Variants in PRMT8 observed in about 807,000 individuals in gnomAD.
PRMT8 encodes the protein protein arginine methyltransferase 8, also known as protein arginine N-methyltransferase 8.
A neutral mutation model predicts 47.1 loss-of-function variants in PRMT8; 7 were observed. The observed-to-expected ratio is 0.15, with a 90% CI of 0.08 to 0.28. The LOEUF is 0.28. PRMT8 is among the 10% of genes least tolerant of loss of function. PRMT8 has a pLI of 1.00. For synonymous variants in PRMT8, 188 were observed against 186.5 expected, an observed-to-expected ratio of 1.01 and a Z score of -0.07; for missense variants, 237 against 505.4, an observed-to-expected ratio of 0.47 and a Z score of 5.09.
intron 1 of PRMT8, among the ~76,000 whole-genome samples, chr12:3,400,468 G>A (rs972719463): frequency 6.6e-6 from 1 of 152,100 alleles, no homozygotes; most frequent in African/African-American, 2.4e-5. Context: ...GGAAGAGATC[G>A]AGTCCTTGAA....
At chr12:3,577,183 A>G (rs1035116994) in intron 7 of PRMT8, among the ~76,000 whole-genome samples, 197 bp downstream of exon 7, 2 of 151,832 alleles carry the variant, frequency 1.3e-5, no homozygotes, top group Non-Finnish European at 2.9e-5. Flanking sequence ...GAGTGGCTCC[A>G]TGGTGGCACG....
rs577346965 is a variant in PRMT8 at position 3,581,276 on chromosome 12, C to G, written c.829-1782C>G. Among the ~76,000 whole-genome samples, 3 of 152,258 alleles carry G rather than the reference C, an allele frequency of 2.0e-5. No homozygotes were observed. The South Asian group carries it at 6.2e-4, about 32-fold the overall frequency. On this transcript the variant is annotated intron_variant, in intron 7 of 9. Transcript: ENST00000382622. ...TGAATAAAAAGCCAGAGATAGCTTG[C>G]ATTGGAGAAGAAAAGGTTTAAGGGA...
chr12:3,555,281 C>A (rs879686462), intron 4 of PRMT8, among the ~76,000 whole-genome samples: 8 of 152,194 alleles, frequency 5.3e-5, no homozygotes, highest in Non-Finnish European at 1.0e-4. Context: ...CGGAGAGAGA[C>A]CCCATGGCTG....
chr12:3,483,530 T>G (rs748435491), intron 1 of PRMT8, among the ~76,000 whole-genome samples: 10 of 152,196 alleles, frequency 6.6e-5, no homozygotes, highest in Non-Finnish European at 1.3e-4. Context: ...TACGCTGGGA[T>G]AAACATGGGT....
rs1379684967 is a variant in PRMT8, at chr12:3,566,736, T to G, written c.482-1970T>G. Reference sequence around the variant, plus strand: ...AGATTCTAGGCAGATGTGGTTCTTTTGATTTTTACTCCTAAGTACAGGCCA... The same window carrying G: ...AGATTCTAGGCAGATGTGGTTCTTTGGATTTTTACTCCTAAGTACAGGCCA... On this transcript the variant is annotated intron_variant, in intron 4 of 9. Coordinates refer to ENST00000382622, the MANE Select transcript of PRMT8 (RefSeq NM_019854.5). The surrounding 1 kb of genome is among the most constrained non-coding windows in gnomAD (Gnocchi z 4.7). Among the ~76,000 whole-genome samples, 1 of 152,260 alleles carries G rather than the reference T, an allele frequency of 6.6e-6. No individual in the cohort carries two copies. Among genetic ancestry groups the G allele is most frequent in the Non-Finnish European group, 1.5e-5 (1 of 68,048 alleles).
At chr12:3,504,876 T>C (rs9668795) in intron 1 of PRMT8, among the ~76,000 whole-genome samples, 28 of 26,174 alleles carry the variant, frequency 1.1e-3, no homozygotes, top group Admixed American at 1.2e-3. Flanking sequence ...TAGGACCCTC[T>C]GAGCCAGGTG....
intron 1 of PRMT8, among the ~76,000 whole-genome samples, chr12:3,504,591 A>C (rs1865586048): frequency 1.1e-5 from 1 of 89,218 alleles, no homozygotes; most frequent in African/African-American, 3.4e-5. Flanking sequence ...TGGGAGAACC[A>C]CTGCTCTCTT....
intron 1 of PRMT8, among the ~76,000 whole-genome samples, chr12:3,438,715 T>C (rs1864770108): frequency 6.6e-6 from 1 of 152,202 alleles, no homozygotes; most frequent in Non-Finnish European, 1.5e-5. Context: ...AGGTCAGTAG[T>C]TCGAATAGTG....
intron 7 of PRMT8, 82 bp from the exon 8 acceptor site, chr12:3,582,976 C>G (rs1273946586): frequency 6.7e-7 from 1 of 1,495,802 alleles, no homozygotes; most frequent in Non-Finnish European, 9.1e-7. Context: ...ACCACAGTCT[C>G]TCACAGAACG....
chr12:3,574,232 C>T (rs901601590), intron 6 of PRMT8, among the ~76,000 whole-genome samples: 3 of 152,146 alleles, frequency 2.0e-5, no homozygotes, highest in African/African-American at 2.4e-5. Flanking sequence ...TGGTCAGGAG[C>T]GTTTAGAGAA....
intron 1 of PRMT8, among the ~76,000 whole-genome samples, chr12:3,428,153 G>T (rs1864627080): frequency 6.6e-6 from 1 of 152,084 alleles, no homozygotes; most frequent in African/African-American, 2.4e-5. Flanking sequence ...TCGGACCTTT[G>T]TATGGTAATT....
At chr12:3,468,253 C>T (rs1002143783) in intron 1 of PRMT8, among the ~76,000 whole-genome samples, 8 of 152,154 alleles carry the variant, frequency 5.3e-5, no homozygotes, top group African/African-American at 1.9e-4. Flanking sequence ...TGATTCTTAC[C>T]TAGAAGACGA....
chr12:3,578,779 C>T (rs1866998170), intron 7 of PRMT8, among the ~76,000 whole-genome samples: 1 of 152,066 alleles, frequency 6.6e-6, no homozygotes, highest in African/African-American at 2.4e-5. Flanking sequence ...ACAAGCCTTG[C>T]TAGGAAGAAC....
intron 4 of PRMT8, among the ~76,000 whole-genome samples, chr12:3,568,072 CAA>C (rs148436679): frequency 0.033 from 3,427 of 102,714 alleles, 135 homozygotes; most frequent in African/African-American, 0.11. Flanking sequence ...AACTCCGTCT[CAA>C]AAAAAAAAAA....
intron 1 of PRMT8, among the ~76,000 whole-genome samples, chr12:3,408,422 A>G (rs1864394556): frequency 6.6e-6 from 1 of 152,070 alleles, no homozygotes; most frequent in African/African-American, 2.4e-5. Flanking sequence ...TTTTTTGTAG[A>G]AATGAGACTT....
chr12:3,461,318 T>C (rs2137088327), intron 1 of PRMT8, among the ~76,000 whole-genome samples: 1 of 152,272 alleles, frequency 6.6e-6, no homozygotes, highest in East Asian at 1.9e-4. Flanking sequence ...TTTGGAGGAA[T>C]GGAGAAGAGA....
intron 1 of PRMT8, among the ~76,000 whole-genome samples, chr12:3,498,316 G>A (rs1865539169): frequency 6.6e-6 from 1 of 152,220 alleles, no homozygotes; most frequent in African/African-American, 2.4e-5. Context: ...AGGCTGCGAA[G>A]GCATGAGAAG....
At chr12:3,486,243 C>G (rs1222913110), upstream of PRMT8, among the ~76,000 whole-genome samples, 1 of 152,114 alleles carries the variant, frequency 6.6e-6, no homozygotes, top group Non-Finnish European at 1.5e-5. Context: ...TCAGTAGATA[C>G]TTCTTGCAGG....
chr12:3,540,613 G>GCCCCCCCCCCCCCCCCCCC lies in PRMT8; in HGVS notation c.90_91insCCCCCCCCCCCCCCCCCCC (p.Ser31ProfsTer17). On this transcript the variant is annotated frameshift_variant, in exon 2 of 10. Transcript: ENST00000382622. LOFTEE classifies it high-confidence loss of function. ...CCCTTCTCTTCCCCTCAGGTGAACA[G>GCCCCCCCCCCCCCCCCCCC]CCCCCCCTCCCAGCCCCCCCAGCCC... is the stretch of plus-strand genomic sequence containing the variant. The GCCCCCCCCCCCCCCCCCCC allele has an allele frequency of 4.4e-6, 5 of 1,130,522 alleles. No individual in the cohort carries two copies. Among genetic ancestry groups the GCCCCCCCCCCCCCCCCCCC allele is most frequent in the Non-Finnish European group, 6.6e-6 (5 of 752,492 alleles). The allele number at this position is 1,130,522 out of a possible 1,614,324, so 70.0% of individuals were successfully genotyped here.
Sources: allele counts gnomAD v4.1 joint callset (sites outside exome capture counted in the v4.1 genomes callset), GRCh38; gene constraint gnomAD v4.1.1; non-coding constraint Gnocchi (gnomAD v3.1); transcripts MANE v1.5; gene names NCBI Gene and HGNC (gene_info 2026-07-23, HGNC 2026-07-21).